Variants in KALRN observed in about 807,000 individuals in gnomAD.
KALRN encodes the protein kalirin.
In KALRN, 70 loss-of-function variants were observed where a neutral mutation model predicts 353.7. That is an observed-to-expected ratio of 0.20 (90% CI 0.16 to 0.24). KALRN has a LOEUF of 0.24. KALRN is among the 10% of genes least tolerant of loss of function. The probability of loss-of-function intolerance (pLI) is 1.00; values close to 1 mark genes in which losing one functional copy is unlikely to be tolerated. For missense variants in KALRN, 2,791 were observed against 3,756.7 expected (o/e 0.74, Z 6.72); for synonymous variants, 1,391 against 1,434.8 (o/e 0.97, Z 0.69).
intron 1 of KALRN, among the ~76,000 whole-genome samples, chr3:124,160,178 G>C (rs2069690875): frequency 6.6e-6 from 1 of 150,396 alleles, no homozygotes; most frequent in African/African-American, 2.4e-5. Context: ...TCCAATGACG[G>C]GTGTTCTTGT....
intron 57 of KALRN, among the ~76,000 whole-genome samples, chr3:124,711,191 A>T (rs187100303): frequency 0.027 from 4,117 of 151,988 alleles, 79 homozygotes; most frequent in East Asian, 0.086. Context: ...TATTTTTTTA[A>T]AAAAAATTTT....
At chr3:124,510,424 AAAACTGG>A (rs2065770681) in intron 33 of KALRN, among the ~76,000 whole-genome samples, 1 of 152,186 alleles carries the variant, frequency 6.6e-6, no homozygotes, top group Non-Finnish European at 1.5e-5. Context: ...TTTGGGAAAT[AAAACTGG>A]AATGATTGGC....
At chr3:124,215,810 A>T (rs2077275878) in intron 1 of KALRN, among the ~76,000 whole-genome samples, 2 of 152,178 alleles carry the variant, frequency 1.3e-5, no homozygotes, top group African/African-American at 4.8e-5. Context: ...TGAGCAAGTA[A>T]TGGCCAGGTG....
chr3:124,599,314 G>A (rs1369928088), intron 34 of KALRN, among the ~76,000 whole-genome samples: 2 of 152,148 alleles, frequency 1.3e-5, no homozygotes, highest in East Asian at 3.9e-4. Flanking sequence ...GAGCTCTCCT[G>A]CCGTTCTTTG....
At chr3:124,152,346 T>C in intron 1 of KALRN, 2 of 1,222,952 alleles carry the variant, frequency 1.6e-6, no homozygotes, top group Non-Finnish European at 2.4e-6. Flanking sequence ...CATTGAAGAT[T>C]TGACGAAGGC....
At chr3:124,343,724 C>A (rs1402281971) in intron 9 of KALRN, among the ~76,000 whole-genome samples, 3 of 152,204 alleles carry the variant, frequency 2.0e-5, no homozygotes, top group Non-Finnish European at 4.4e-5. Flanking sequence ...TCCGTGACTC[C>A]CCAGAGAAGA....
chr3:124,528,128 C>T (rs2067743014), intron 33 of KALRN, among the ~76,000 whole-genome samples: 1 of 152,182 alleles, frequency 6.6e-6, no homozygotes, highest in Admixed American at 6.5e-5. Context: ...TACAGTCCCT[C>T]CAGTCTAGTT....
intron 1 of KALRN, among the ~76,000 whole-genome samples, chr3:124,193,753 T>G (rs1226463823): frequency 6.6e-6 from 1 of 152,174 alleles, no homozygotes; most frequent in Non-Finnish European, 1.5e-5. Flanking sequence ...GAGTCTTTGT[T>G]TCACTTTTTT....
At chr3:124,214,395 C>T (rs12629755) in intron 1 of KALRN, among the ~76,000 whole-genome samples, 15,526 of 152,196 alleles carry the variant, frequency 0.1, 1,458 homozygotes, top group East Asian at 0.48. Context: ...ATAAAGCTAT[C>T]ATAAATCTCT....
intron 51 of KALRN, among the ~76,000 whole-genome samples, chr3:124,688,774 TAA>T (rs3836303): frequency 0.16 from 24,562 of 152,144 alleles, 2,364 homozygotes; most frequent in Middle Eastern, 0.22. Context: ...CCCTCACTCT[TAA>T]GTCTTAGAGT....
At position 124,236,917 on chromosome 3, in the gene KALRN, C is replaced by G. The variant is rs143675684; in HGVS notation, c.263+1974C>G. The stretch of plus-strand genomic sequence containing the variant: ...GGCTCTTCACAGGGCAGGCGAGAGC[C>G]CTATTGCCAGTGGGAAGAACTGTTC... On this transcript the variant is annotated intron_variant, in intron 3 of 59. Transcript: ENST00000682506. Among the ~76,000 whole-genome samples, 6 of 152,304 alleles carry G rather than the reference C, an allele frequency of 3.9e-5. No homozygotes were observed. The East Asian group carries it at 1.2e-3, about 29-fold the overall frequency.
chr3:124,133,924 G>C (rs2065611765), intron 1 of KALRN, among the ~76,000 whole-genome samples: 1 of 152,154 alleles, frequency 6.6e-6, no homozygotes, highest in African/African-American at 2.4e-5. Context: ...TGGATGGGTA[G>C]AATCAATATT....
intron 13 of KALRN, chr3:124,410,314 C>G (rs776513807): frequency 2.8e-5 from 15 of 527,052 alleles, no homozygotes; most frequent in Admixed American, 7.9e-5. Flanking sequence ...CAAACAGAAC[C>G]TAAAATCAAA....
At chr3:124,602,939 G>T (rs62267592) in intron 34 of KALRN, among the ~76,000 whole-genome samples, 2 of 37,514 alleles carry the variant, frequency 5.3e-5, no homozygotes, top group Non-Finnish European at 9.5e-5. Flanking sequence ...CAGTTTTCGT[G>T]GTTTTTTTTT....
chr3:124,633,810 G>A, intron 35 of KALRN, 42 bp from the exon 36 acceptor site: 1 of 1,563,816 alleles, frequency 6.4e-7, no homozygotes, highest in Non-Finnish European at 8.8e-7. Context: ...CCACTGGCAT[G>A]TTTGTGACAC....
chr3:124,372,962 A>C (rs2086067172), intron 10 of KALRN, among the ~76,000 whole-genome samples: 1 of 147,684 alleles, frequency 6.8e-6, no homozygotes, highest in African/African-American at 2.5e-5. Flanking sequence ...CTTTTAAAAC[A>C]TGTGGCTGCC....
At chr3:124,377,719 T>C (rs990122691) in intron 10 of KALRN, among the ~76,000 whole-genome samples, 9 of 152,342 alleles carry the variant, frequency 5.9e-5, no homozygotes, top group African/African-American at 2.2e-4. Context: ...TGAACTTTTG[T>C]TGATAGAAGC....
At chr3:124,434,577 T>A in intron 17 of KALRN, 52 bp downstream of exon 17, 1 of 1,565,208 alleles carries the variant, frequency 6.4e-7, no homozygotes, top group Non-Finnish European at 8.8e-7. Context: ...AGGGGGCCAT[T>A]TTCTGCCTTG....
At chr3:124,481,751 T>C (rs2062006813) in intron 27 of KALRN, among the ~76,000 whole-genome samples, 1 of 152,182 alleles carries the variant, frequency 6.6e-6, no homozygotes, top group Non-Finnish European at 1.5e-5. Flanking sequence ...GTGTCATTCC[T>C]CCAACCTTTT....
Sources: allele counts gnomAD v4.1 joint callset (sites outside exome capture counted in the v4.1 genomes callset), GRCh38; gene constraint gnomAD v4.1.1; transcripts MANE v1.5; gene names NCBI Gene and HGNC (gene_info 2026-07-23, HGNC 2026-07-21).